DACH1: variants seen among roughly 807,000 people sequenced by gnomAD.
DACH1 encodes the protein dachshund homolog 1.
DACH1 carries 12 observed loss-of-function variants against 54.2 expected under a neutral mutation model. The ratio of observed to expected loss-of-function variants is 0.22; its 90% CI spans 0.14 to 0.36. DACH1 has a LOEUF of 0.36. Among genes scored for constraint, DACH1 ranks in the 10% least tolerant of loss-of-function variants. The pLI, the probability that DACH1 is intolerant of heterozygous loss-of-function variation, is 1.00. For missense variants in DACH1, 805 were observed against 929.8 expected, an observed-to-expected ratio of 0.87 and a Z score of 1.75; for synonymous variants, 386 against 366.2, an observed-to-expected ratio of 1.05 and a Z score of -0.62.
At chr13:71,705,812 T>C (rs984847879) in intron 1 of DACH1, among the ~76,000 whole-genome samples, 1 of 152,006 alleles carries the variant, frequency 6.6e-6, no homozygotes, top group South Asian at 2.1e-4. Flanking sequence ...TGTCATGAAG[T>C]CTCCATTAAA....
chr13:71,619,285 T>C (rs1876028181), intron 3 of DACH1, among the ~76,000 whole-genome samples: 1 of 151,938 alleles, frequency 6.6e-6, no homozygotes, highest in Non-Finnish European at 1.5e-5. Flanking sequence ...TTGATATTAA[T>C]TGGTTTGTCC....
At chr13:71,750,507 ATATGTG>A (rs1224967954) in intron 1 of DACH1, among the ~76,000 whole-genome samples, 7 of 152,226 alleles carry the variant, frequency 4.6e-5, no homozygotes, top group Non-Finnish European at 1.0e-4. Context: ...ATTTCATTTA[ATATGTG>A]TCTTAGCTAG....
chr13:71,654,265 C>A (rs1164015238), intron 2 of DACH1, among the ~76,000 whole-genome samples: 6 of 151,352 alleles, frequency 4.0e-5, no homozygotes. Flanking sequence ...CGGAGCACAC[C>A]TGTAATCCCA....
rs1327249643 is a variant in DACH1, at chr13:71,439,210, A to T, written c.*1445T>A. 6.6e-6 allele frequency: 1 copy of T among 152,460 alleles called. No individual in the cohort carries two copies. The highest frequency in any genetic ancestry group is 1.5e-5 in the Non-Finnish European group (1 of 67,902). The allele number at this position is 152,460 out of a possible 1,614,324, so 9.4% of individuals were successfully genotyped here. On this transcript the variant is annotated 3_prime_UTR_variant, in exon 11 of 11. Transcript: ENST00000613252. ...TTTAAGATGACAGAAAAATCATAAA[A>T]TGTATAGTGACCGTACTGATTCATA... is the stretch of plus-strand genomic sequence containing the variant.
chr13:71,837,732 G>A (rs993406284), intron 1 of DACH1, among the ~76,000 whole-genome samples: 15 of 147,150 alleles, frequency 1.0e-4, no homozygotes, highest in South Asian at 2.2e-4. Flanking sequence ...TGTTTATTGC[G>A]GCATTATTCA....
At chr13:71,449,833 C>T (rs1449587148) in intron 10 of DACH1, among the ~76,000 whole-genome samples, 3 of 144,840 alleles carry the variant, frequency 2.1e-5, no homozygotes, top group South Asian at 2.1e-4. Context: ...TAAGAAAGTA[C>T]ATGAGAGAAC....
intron 1 of DACH1, among the ~76,000 whole-genome samples, chr13:71,709,970 C>G (rs749326276): frequency 1.3e-4 from 20 of 152,276 alleles, no homozygotes; most frequent in South Asian, 8.3e-4. Context: ...ACCTTAACCT[C>G]CCTAATAGCT....
At chr13:71,543,127 A>T (rs1367285289) in intron 6 of DACH1, among the ~76,000 whole-genome samples, 5 of 152,190 alleles carry the variant, frequency 3.3e-5, no homozygotes, top group African/African-American at 1.2e-4. Flanking sequence ...TCAGGAAACA[A>T]CAAGGTCTGT....
chr13:71,485,669 G>C (rs1878442978), intron 7 of DACH1, among the ~76,000 whole-genome samples: 1 of 138,466 alleles, frequency 7.2e-6, no homozygotes, highest in Admixed American at 8.0e-5. Context: ...TGCAACCTCT[G>C]CCTCCCGGGT....
At chr13:71,618,412 C>G (rs1340113179) in intron 3 of DACH1, among the ~76,000 whole-genome samples, 2 of 152,112 alleles carry the variant, frequency 1.3e-5, no homozygotes, top group South Asian at 4.1e-4. Context: ...TTTCTGAGCT[C>G]ACTTTTCCAG....
At chr13:71,713,499 A>G (rs1485860731) in intron 1 of DACH1, among the ~76,000 whole-genome samples, 2 of 152,158 alleles carry the variant, frequency 1.3e-5, no homozygotes, top group East Asian at 1.9e-4. Context: ...ATGCATTAGT[A>G]AAAAACAGAT....
At chr13:71,495,218 A>G (rs1357635110) in intron 6 of DACH1, among the ~76,000 whole-genome samples, 1 of 152,130 alleles carries the variant, frequency 6.6e-6, no homozygotes, top group Non-Finnish European at 1.5e-5. Context: ...GTATTATTAA[A>G]ATGGAAAATA....
chr13:71,840,128 A>G (rs934151521), intron 1 of DACH1, among the ~76,000 whole-genome samples: 1 of 151,928 alleles, frequency 6.6e-6, no homozygotes, highest in Non-Finnish European at 1.5e-5. Flanking sequence ...TTCTATTTTT[A>G]GTAGAGATGG....
intron 2 of DACH1, among the ~76,000 whole-genome samples, chr13:71,680,687 C>T (rs545076977): frequency 1.9e-4 from 29 of 152,096 alleles, no homozygotes; most frequent in Non-Finnish European, 3.2e-4. Context: ...AACAAATAGC[C>T]GAAATAGCTA....
intron 1 of DACH1, among the ~76,000 whole-genome samples, chr13:71,842,811 A>G (rs1039997687): frequency 3.9e-5 from 6 of 152,228 alleles, no homozygotes; most frequent in Admixed American, 2.6e-4. Flanking sequence ...TTTACTCAGT[A>G]AGGTTAACAA....
chr13:71,459,785 C>T (rs1019752025), intron 10 of DACH1, among the ~76,000 whole-genome samples: 3 of 151,892 alleles, frequency 2.0e-5, no homozygotes, highest in Non-Finnish European at 2.9e-5. Context: ...TCTAAAGTAT[C>T]ATTAGTCACC....
intron 3 of DACH1, among the ~76,000 whole-genome samples, chr13:71,593,203 C>A (rs1873857735): frequency 6.6e-6 from 1 of 152,026 alleles, no homozygotes; most frequent in African/African-American, 2.4e-5. Context: ...AGAGGAACAT[C>A]CTTTTATCGA....
At chr13:71,556,444 A>T (rs995976156) in intron 6 of DACH1, among the ~76,000 whole-genome samples, 7 of 152,146 alleles carry the variant, frequency 4.6e-5, no homozygotes, top group African/African-American at 1.2e-4. Context: ...TAATTTTTTC[A>T]TGGAATTATC....
chr13:71,528,449 A>T (rs1268516745), intron 6 of DACH1, among the ~76,000 whole-genome samples: 2 of 111,464 alleles, frequency 1.8e-5, no homozygotes, highest in Non-Finnish European at 3.6e-5. Flanking sequence ...TTTTTTTGAG[A>T]CTGAGTCTCG....
Sources: gnomAD v4.1 joint callset for allele counts (sites outside exome capture counted in the v4.1 genomes callset) on GRCh38, gnomAD v4.1.1 for gene constraint, MANE v1.5 for transcripts, NCBI Gene and HGNC (gene_info 2026-07-23, HGNC 2026-07-21) for gene names.